The following XKR9 variants were observed in gnomAD, a reference collection of about 807,000 sequenced individuals.
XKR9 encodes XK related 9, also known as XK-related protein 9.
In XKR9, 32 loss-of-function variants were observed where a neutral mutation model predicts 32.0. The ratio of observed to expected loss-of-function variants is 1.00; its 90% CI spans 0.76 to 1.34. The LOEUF is 1.34. Among genes scored for constraint, XKR9 ranks in the 40% most tolerant of loss-of-function variants. XKR9 has a pLI of 0.00. For synonymous variants in XKR9, 168 were observed against 143.4 expected (o/e 1.17, Z -1.22); for missense variants, 546 against 429.7 (o/e 1.27, Z -2.39).
chr8:71,015,598 GA>G, the XKR9 span, among the ~76,000 whole-genome samples: 1 of 152,168 alleles, frequency 6.6e-6, no homozygotes, highest in Non-Finnish European at 1.5e-5. Flanking sequence ...AGCAGTTTAT[GA>G]AAGCCCAGCA....
chr8:70,670,838 T>G (rs2086068), intron 1 of XKR9, among the ~76,000 whole-genome samples: 11,048 of 152,232 alleles, frequency 0.073, 473 homozygotes, highest in Non-Finnish European at 0.089. Context: ...GGCATTTCAA[T>G]CTGTCAATAT....
At position 70,735,652 on chromosome 8, in the gene XKR9, C is replaced by T. The variant is rs1586874498; in HGVS notation, c.*1228C>T. The T allele has an allele frequency of 7.5e-6, 1 of 133,310 alleles. No homozygotes were observed. The highest frequency in any genetic ancestry group is 8.6e-5 in the Admixed American group (1 of 11,614). 8.3% of individuals were successfully genotyped at this position (133,310 alleles called of 1,614,324 possible). On this transcript the variant is annotated 3_prime_UTR_variant, in exon 5 of 5. Transcript: ENST00000408926. ...CAACAGTCCCCAGAGTGTGATGATC[C>T]CCTTCCTGTGTCCATGTGTTCTCAT...
the XKR9 span, among the ~76,000 whole-genome samples, chr8:70,973,831 GAT>G: frequency 8.5e-5 from 13 of 152,256 alleles, no homozygotes; most frequent in South Asian, 2.7e-3. Context: ...GAGAGTACTT[GAT>G]ATAATTTTGA....
chr8:70,836,826 GA>G, the XKR9 span, among the ~76,000 whole-genome samples: 1 of 152,158 alleles, frequency 6.6e-6, no homozygotes, highest in South Asian at 2.1e-4. Flanking sequence ...GGGCACTGGG[GA>G]TAAGTTGTGA....
At chr8:70,849,176 A>G in the XKR9 span, among the ~76,000 whole-genome samples, 1 of 152,200 alleles carries the variant, frequency 6.6e-6, no homozygotes, top group Non-Finnish European at 1.5e-5. Flanking sequence ...TTATTCTAAA[A>G]TTGACCACAT....
At chr8:70,937,725 C>T in the XKR9 span, among the ~76,000 whole-genome samples, 874 of 151,882 alleles carry the variant, frequency 5.8e-3, 7 homozygotes, top group South Asian at 0.035. Flanking sequence ...TAATGAATAC[C>T]ATAAAGTTAA....
the XKR9 span, among the ~76,000 whole-genome samples, chr8:70,852,560 G>C: frequency 6.6e-6 from 1 of 152,104 alleles, no homozygotes; most frequent in African/African-American, 2.4e-5. Context: ...TGTGTTTATT[G>C]CAGCACTATT....
At chr8:71,049,414 T>C in the XKR9 span, among the ~76,000 whole-genome samples, 1 of 152,170 alleles carries the variant, frequency 6.6e-6, no homozygotes, top group Non-Finnish European at 1.5e-5. Flanking sequence ...TTAAAAATAC[T>C]TCCTGACTCC....
At chr8:70,838,016 A>T in the XKR9 span, among the ~76,000 whole-genome samples, 1 of 152,066 alleles carries the variant, frequency 6.6e-6, no homozygotes, top group African/African-American at 2.4e-5. Context: ...GCTGAGACAA[A>T]AGTTCAGTCA....
At chr8:70,880,269 G>A in the XKR9 span, among the ~76,000 whole-genome samples, 1 of 152,128 alleles carries the variant, frequency 6.6e-6, no homozygotes, top group African/African-American at 2.4e-5. Context: ...GGAAGTTCTG[G>A]CCAGGGCAAT....
intron 4 of XKR9, among the ~76,000 whole-genome samples, chr8:70,715,958 G>A (rs962908808): frequency 1.3e-5 from 2 of 151,922 alleles, no homozygotes; most frequent in African/African-American, 4.8e-5. Flanking sequence ...CCTGGCAAAA[G>A]TTTAATCAAA....
chr8:70,782,364 T>G (rs181333929), intron 2 of XKR9, among the ~76,000 whole-genome samples: 1 of 152,294 alleles, frequency 6.6e-6, no homozygotes, highest in Non-Finnish European at 1.5e-5. Flanking sequence ...TAAATAGAGC[T>G]AGTTAACATA....
At chr8:70,859,924 C>A in the XKR9 span, among the ~76,000 whole-genome samples, 1 of 151,948 alleles carries the variant, frequency 6.6e-6, no homozygotes, top group Non-Finnish European at 1.5e-5. Context: ...TGTTCAATAC[C>A]AGAGTAGGGT....
At chr8:70,698,204 A>G (rs59906017) in intron 3 of XKR9, among the ~76,000 whole-genome samples, 2,769 of 151,568 alleles carry the variant, frequency 0.018, 41 homozygotes, top group African/African-American at 0.064. Flanking sequence ...CTCTGATTTT[A>G]GTTATTTCTT....
chr8:70,850,062 C>A, the XKR9 span, among the ~76,000 whole-genome samples: 2 of 152,088 alleles, frequency 1.3e-5, no homozygotes, highest in Non-Finnish European at 2.9e-5. Flanking sequence ...TGGTACCATT[C>A]CTTCTGAAAC....
chr8:70,677,257 C>T (rs1381499600), intron 2 of XKR9, among the ~76,000 whole-genome samples: 1 of 148,052 alleles, frequency 6.8e-6, no homozygotes, highest in Non-Finnish European at 1.5e-5. Context: ...ATGATCCTCC[C>T]ACCTCAGCCT....
chr8:70,811,788 G>A, the XKR9 span, among the ~76,000 whole-genome samples: 8 of 152,010 alleles, frequency 5.3e-5, no homozygotes, highest in African/African-American at 1.7e-4. Context: ...CTGAAATTGT[G>A]GCAATAATCA....
At chr8:70,830,450 C>T in the XKR9 span, among the ~76,000 whole-genome samples, 13 of 151,348 alleles carry the variant, frequency 8.6e-5, no homozygotes, top group Admixed American at 2.0e-4. Flanking sequence ...AGCTGAGAGT[C>T]GTAGGAGGCA....
intron 2 of XKR9, among the ~76,000 whole-genome samples, chr8:70,676,538 C>A (rs1291840994): frequency 6.6e-5 from 10 of 152,186 alleles, no homozygotes; most frequent in Admixed American, 6.5e-4. Flanking sequence ...TTTATCAGAT[C>A]CGCCGTATGT....
Sources: allele counts gnomAD v4.1 joint callset (sites outside exome capture counted in the v4.1 genomes callset), GRCh38; gene constraint gnomAD v4.1.1; transcripts MANE v1.5; gene names NCBI Gene and HGNC (gene_info 2026-07-23, HGNC 2026-07-21).